CAMTA1: variants seen among roughly 807,000 people sequenced by gnomAD.
The protein encoded by CAMTA1 is calmodulin binding transcription activator 1.
Under a neutral mutation model 170.9 loss-of-function variants are expected in CAMTA1, and 27 were observed. That is an observed-to-expected ratio of 0.16 (90% CI 0.12 to 0.22). The LOEUF (loss-of-function observed/expected upper bound fraction) is 0.22. CAMTA1 is among the 10% of genes least tolerant of loss of function. CAMTA1 has a pLI of 1.00. For missense variants in CAMTA1, 1,619 were observed against 2,217.2 expected (o/e 0.73, Z 5.42); for synonymous variants, 833 against 891.5 (o/e 0.93, Z 1.17).
At chr1:7,031,076 T>C (rs1178948159) in intron 3 of CAMTA1, among the ~76,000 whole-genome samples, 2 of 150,456 alleles carry the variant, frequency 1.3e-5, no homozygotes, top group African/African-American at 4.9e-5. Context: ...CTTGATCTCC[T>C]GACCTCGTGA....
At chr1:6,935,925 G>A (rs1355503287) in intron 3 of CAMTA1, among the ~76,000 whole-genome samples, 4 of 152,156 alleles carry the variant, frequency 2.6e-5, no homozygotes, top group East Asian at 1.9e-4. Flanking sequence ...GTGGCAGGTC[G>A]GAAACTGGAG....
chr1:7,397,538 C>T (rs950457933), intron 5 of CAMTA1, among the ~76,000 whole-genome samples: 1 of 151,958 alleles, frequency 6.6e-6, no homozygotes, highest in African/African-American at 2.4e-5. Flanking sequence ...TTATTGCTAT[C>T]TACTAATTCT....
chr1:7,214,542 G>A lies in CAMTA1; in HGVS notation c.303-34949G>A, dbSNP rs575469999. On this transcript the variant is annotated intron_variant, in intron 4 of 22. Coordinates refer to ENST00000303635, the MANE Select transcript of CAMTA1 (RefSeq NM_015215.4). ...CCACCACTCCTGGCTAATTTTTTGTGTTTTTAGTAGAGACAGGGTTTCACC... is the reference window on the plus strand; with the variant it reads ...CCACCACTCCTGGCTAATTTTTTGTATTTTTAGTAGAGACAGGGTTTCACC... Among the ~76,000 whole-genome samples, 66 of 151,954 alleles carry A rather than the reference G, an allele frequency of 4.3e-4. 1 individual carries two copies. Among genetic ancestry groups the A allele is most frequent in the Admixed American group, 2.2e-3 (33 of 15,242 alleles).
intron 3 of CAMTA1, among the ~76,000 whole-genome samples, chr1:6,847,869 A>ATTT (rs70984025): frequency 7.2e-5 from 10 of 139,394 alleles, no homozygotes; most frequent in Admixed American, 2.9e-4. Context: ...CACCCAGCTA[A>ATTT]TTTTTTTTTT....
At chr1:6,881,812 G>A (rs1671705133) in intron 3 of CAMTA1, among the ~76,000 whole-genome samples, 1 of 151,908 alleles carries the variant, frequency 6.6e-6, no homozygotes, top group South Asian at 2.1e-4. Flanking sequence ...CTAAAAATAC[G>A]AAAAATTAAC....
chr1:6,816,539 G>A (rs2148410432), intron 1 of CAMTA1, among the ~76,000 whole-genome samples: 1 of 152,338 alleles, frequency 6.6e-6, no homozygotes, highest in South Asian at 2.1e-4. Flanking sequence ...CTTCCTGAAG[G>A]GTGAGGGGTC....
intron 5 of CAMTA1, among the ~76,000 whole-genome samples, chr1:7,289,937 A>G (rs575887074): frequency 2.2e-4 from 34 of 152,270 alleles, no homozygotes; most frequent in Admixed American, 1.1e-3. Context: ...GTCTTTACCA[A>G]CACCTTAATC....
intron 5 of CAMTA1, among the ~76,000 whole-genome samples, chr1:7,252,257 G>T (rs1205382874): frequency 6.6e-6 from 1 of 152,102 alleles, no homozygotes. Flanking sequence ...ACATCCTCTC[G>T]CTTAGTGATA....
chr1:7,635,775 A>G lies in CAMTA1; in HGVS notation c.511-4625A>G, dbSNP rs1181080461. Among the ~76,000 whole-genome samples the G allele has an allele frequency of 3.3e-5, 5 of 152,208 alleles. No homozygotes were observed. The highest frequency in any genetic ancestry group is 5.9e-5 in the Non-Finnish European group (4 of 68,038). On this transcript the variant is annotated intron_variant, in intron 6 of 22. Coordinates refer to ENST00000303635, the MANE Select transcript of CAMTA1 (RefSeq NM_015215.4). The surrounding 1 kb of genome is among the most constrained non-coding windows in gnomAD (Gnocchi z 4.4). ...GCTCAGCAAGGACTCTGACACCGTTATGAGCACTCCATGAAACTGATACAT... is the reference window on the plus strand; with the variant it reads ...GCTCAGCAAGGACTCTGACACCGTTGTGAGCACTCCATGAAACTGATACAT...
At chr1:7,713,957 A>G (rs1033464648) in intron 11 of CAMTA1, among the ~76,000 whole-genome samples, 3 of 152,324 alleles carry the variant, frequency 2.0e-5, no homozygotes, top group Non-Finnish European at 4.4e-5. Flanking sequence ...TCGGGGGTCC[A>G]CACTGAAGAG....
chr1:7,283,703 T>C (rs576643067), intron 5 of CAMTA1, among the ~76,000 whole-genome samples: 141 of 152,328 alleles, frequency 9.3e-4, no homozygotes, highest in African/African-American at 3.2e-3. Context: ...TAGCCCTCTA[T>C]CACCCCCTTG....
chr1:7,362,921 T>A (rs2085659986), intron 5 of CAMTA1, among the ~76,000 whole-genome samples: 1 of 152,134 alleles, frequency 6.6e-6, no homozygotes, highest in South Asian at 2.1e-4. Context: ...GTAGGGTTGA[T>A]GGACTTGAAT....
intron 11 of CAMTA1, among the ~76,000 whole-genome samples, chr1:7,716,069 G>A (rs1008603927): frequency 6.6e-6 from 1 of 152,192 alleles, no homozygotes; most frequent in East Asian, 1.9e-4. Flanking sequence ...GTCTCACTCT[G>A]TTGCCCGGGC....
intron 5 of CAMTA1, among the ~76,000 whole-genome samples, chr1:7,304,343 T>C (rs938371065): frequency 6.6e-6 from 1 of 152,246 alleles, no homozygotes; most frequent in African/African-American, 2.4e-5. Flanking sequence ...TTGTTTCTAG[T>C]CTTTTGTTGT....
At chr1:6,835,857 C>T (rs912335160) in intron 3 of CAMTA1, among the ~76,000 whole-genome samples, 1 of 152,184 alleles carries the variant, frequency 6.6e-6, no homozygotes, top group Non-Finnish European at 1.5e-5. Flanking sequence ...CTGTTCATGT[C>T]TTGACATATA....
At chr1:7,344,554 A>G (rs2084079682) in intron 5 of CAMTA1, among the ~76,000 whole-genome samples, 1 of 152,194 alleles carries the variant, frequency 6.6e-6, no homozygotes, top group Admixed American at 6.5e-5. Context: ...TTATGGACCC[A>G]TCAGCCATGC....
chr1:7,434,481 AG>A (rs1323971635), intron 5 of CAMTA1, among the ~76,000 whole-genome samples: 1 of 146,244 alleles, frequency 6.8e-6, no homozygotes, highest in Admixed American at 6.9e-5. Flanking sequence ...TCATTCATTC[AG>A]ATTCAGCAAA....
chr1:7,079,472 A>AT (rs33997959), intron 3 of CAMTA1, among the ~76,000 whole-genome samples: 44,451 of 150,230 alleles, frequency 0.3, 7,318 homozygotes, highest in African/African-American at 0.46. Context: ...AGTGATAAAG[A>AT]TTTTTTTTTT....
chr1:6,923,520 A>G (rs1240441286), intron 3 of CAMTA1, among the ~76,000 whole-genome samples: 1 of 152,234 alleles, frequency 6.6e-6, no homozygotes, highest in Non-Finnish European at 1.5e-5. Context: ...CCCCTGGCTC[A>G]GTGCCGGCAG....
Sources: allele counts gnomAD v4.1 joint callset (sites outside exome capture counted in the v4.1 genomes callset), GRCh38; gene constraint gnomAD v4.1.1; non-coding constraint Gnocchi (gnomAD v3.1); transcripts MANE v1.5; gene names NCBI Gene and HGNC (gene_info 2026-07-23, HGNC 2026-07-21).